KIF26A: variants seen among roughly 807,000 people sequenced by gnomAD.
KIF26A encodes the protein kinesin-like protein KIF26A.
In KIF26A, 74 loss-of-function variants were observed where a neutral mutation model predicts 126.0. That is an observed-to-expected ratio of 0.59 (90% confidence interval 0.49 to 0.71). The LOEUF is 0.71. Among genes scored for constraint, KIF26A ranks in the 30% least tolerant of loss-of-function variants. The pLI is 0.00. For synonymous variants in KIF26A, 1,445 were observed against 1,232.7 expected, an observed-to-expected ratio of 1.17 and a Z score of -3.61; for missense variants, 2,984 against 2,763.3, an observed-to-expected ratio of 1.08 and a Z score of -1.79.
intron 3 of KIF26A, among the ~76,000 whole-genome samples, chr14:104,155,887 G>T (rs1025662001): frequency 2.0e-4 from 31 of 152,220 alleles, no homozygotes; most frequent in African/African-American, 7.5e-4. Flanking sequence ...CGGGTGGGCT[G>T]TGGTGTAGCA....
intron 9 of KIF26A, 39 bp from the exon 10 acceptor site, chr14:104,173,667 C>T: frequency 6.2e-7 from 1 of 1,603,492 alleles, no homozygotes; most frequent in South Asian, 1.1e-5. Context: ...ATCTGGGGGC[C>T]CCTGGCTACA....
rs1043092911 is a variant in KIF26A at position 104,152,892 on chromosome 14, C to T, written c.735+431C>T. Among the ~76,000 whole-genome samples the T allele has an allele frequency of 6.6e-6, 1 of 152,096 alleles. No individual in the cohort carries two copies. Among genetic ancestry groups the T allele is most frequent in the Non-Finnish European group, 1.5e-5 (1 of 68,000 alleles). On this transcript the variant is annotated intron_variant, in intron 3 of 14. Transcript: ENST00000423312. This position sits in a 1 kb window ranked among gnomAD's most constrained non-coding sequence, Gnocchi z 5.9. ...GCGTCCATGGACGTCGGGCGGGGGA[C>T]CGGCAGTTGCAATTGCTGGAGATGC...
intron 2 of KIF26A, among the ~76,000 whole-genome samples, chr14:104,146,541 A>G (rs1348872413): frequency 1.3e-5 from 2 of 149,714 alleles, no homozygotes; most frequent in Non-Finnish European, 3.0e-5. Flanking sequence ...GAGGGTGGCG[A>G]CCACCGCAGA....
Position 104,174,903 on chromosome 14 carries a change from C to G in KIF26A, c.2194-79C>G. The G allele has an allele frequency of 2.9e-6, 4 of 1,395,118 alleles. No individual in the cohort carries two copies. The East Asian group carries it at 7.5e-5, about 26-fold the overall frequency. The allele number at this position is 1,395,118 out of a possible 1,614,324, so 86.4% of individuals were successfully genotyped here. On this transcript the variant is annotated intron_variant, in intron 11 of 14. Coordinates refer to ENST00000423312, the MANE Select transcript of KIF26A (RefSeq NM_015656.2). The stretch of plus-strand genomic sequence containing the variant: ...TCATCACAGTGACCGCAGCATTGGC[C>G]CTGTGCTCTGGGGAGGGTCGGGGAA...
At chr14:104,156,390 A>G (rs186310022) in intron 3 of KIF26A, among the ~76,000 whole-genome samples, 33 of 152,218 alleles carry the variant, frequency 2.2e-4, no homozygotes, top group Admixed American at 1.8e-3. Flanking sequence ...TGCTGGCGCA[A>G]TGTCCAGTGA....
intron 5 of KIF26A, among the ~76,000 whole-genome samples, chr14:104,168,739 C>T (rs2037930078): frequency 6.6e-6 from 1 of 152,224 alleles, no homozygotes; most frequent in African/African-American, 2.4e-5. Context: ...TCTGGCATCT[C>T]TGTCCTCCGG....
chr14:104,162,481 G>A (rs1028485444), intron 4 of KIF26A, among the ~76,000 whole-genome samples: 9 of 152,222 alleles, frequency 5.9e-5, no homozygotes, highest in African/African-American at 9.6e-5. Context: ...CAAAGGGCCA[G>A]CCTGGTTTTG....
chr14:104,178,589 A>C lies in KIF26A; in HGVS notation c.5150A>C (p.Asp1717Ala), dbSNP rs2038063025. ...CGCCTGATTCCCGCCCCACTGCCCG[A>C]CACCACTGCCCTGGGCCGTAAGCCC... ...RRRLIPAPLPDTTALGRKPSL... is the reference protein window; with the variant it reads ...RRRLIPAPLPATTALGRKPSL... The change falls in exon 13 of 15, where the codon GAC becomes GCC. Residue 1717 changes from aspartate to alanine, a missense_variant. Physicochemically the swap from Asp to Ala is moderately radical, Grantham distance 126. Coordinates refer to ENST00000423312, the MANE Select transcript of KIF26A (RefSeq NM_015656.2). The C allele has an allele frequency of 1.3e-6, 2 of 1,523,328 alleles. No homozygotes were observed. 94.4% of individuals were successfully genotyped at this position (1,523,328 alleles called of 1,614,324 possible). A position where few individuals can be genotyped will look rare whatever the true frequency, so the allele number is the denominator to read the frequency against.
In KIF26A at chr14:104,152,910, G is replaced by A. The variant is rs889712394; in HGVS notation, c.735+449G>A. On this transcript the variant is annotated intron_variant, in intron 3 of 14. Transcript: ENST00000423312. This position sits in a 1 kb window ranked among gnomAD's most constrained non-coding sequence, Gnocchi z 5.9. ...CGGGGGACCGGCAGTTGCAATTGCTGGAGATGCGTTGCCTGCCCCTGTGGC... is the reference window on the plus strand; with the variant it reads ...CGGGGGACCGGCAGTTGCAATTGCTAGAGATGCGTTGCCTGCCCCTGTGGC... Among the ~76,000 whole-genome samples the A allele has an allele frequency of 3.3e-5, 5 of 152,154 alleles. No individual in the cohort carries two copies. The highest frequency in any genetic ancestry group is 4.8e-5 in the African/African-American group (2 of 41,426).
intron 4 of KIF26A, 120 bp downstream of exon 4, chr14:104,158,062 G>A (rs2037799613): frequency 1.0e-6 from 1 of 974,854 alleles, no homozygotes; most frequent in Admixed American, 3.7e-5. Context: ...GCTGAGACGA[G>A]TGGATGGGGA....
At chr14:104,146,195 G>C (rs1382990358) in intron 2 of KIF26A, among the ~76,000 whole-genome samples, 1 of 152,178 alleles carries the variant, frequency 6.6e-6, no homozygotes. Flanking sequence ...GTTGTTTTTG[G>C]GGGTGGGTGG....
At chr14:104,166,183 G>GGCACAGGA (rs56920153) in intron 4 of KIF26A, among the ~76,000 whole-genome samples, 6,923 of 146,074 alleles carry the variant, frequency 0.047, 523 homozygotes, top group African/African-American at 0.16. Flanking sequence ...GGGTGGCAGG[G>GGCACAGGA]GCCCAGGAGC....
At position 104,167,020 on chromosome 14, in the gene KIF26A, C is replaced by G. The variant is rs781392175; in HGVS notation, c.1085C>G (p.Thr362Ser). The G allele has an allele frequency of 1.3e-5, 20 of 1,578,020 alleles. No homozygotes were observed. The African/African-American group carries it at 2.6e-4, about 20-fold the overall frequency. Reference protein sequence around the residue: ...PPCLLRAASKTKDNPGSIGKV... With the variant: ...PPCLLRAASKSKDNPGSIGKV... Reference sequence around the variant, plus strand: ...TGCCTGCTCAGGGCCGCCTCCAAGACCAAGGACAACCCTGGCAGCATCGGG... The same window carrying G: ...TGCCTGCTCAGGGCCGCCTCCAAGAGCAAGGACAACCCTGGCAGCATCGGG... The change falls in exon 5 of 15, where the codon ACC becomes AGC. Residue 362 changes from threonine to serine, a missense_variant. Transcript: ENST00000423312.
chr14:104,179,428 T>C (rs750485534), intron 14 of KIF26A, 42 bp downstream of exon 14: 1 of 1,458,270 alleles, frequency 6.9e-7, no homozygotes, highest in South Asian at 1.4e-5. Flanking sequence ...GCCCACCGTG[T>C]GCCCTGACAG....
At chr14:104,165,513 CTGTA>C (rs1481871116) in intron 4 of KIF26A, among the ~76,000 whole-genome samples, 2 of 94,632 alleles carry the variant, frequency 2.1e-5, no homozygotes, top group African/African-American at 1.1e-4. Flanking sequence ...CTGTGTGTCT[CTGTA>C]TGCATGTGTG....
At position 104,175,230 on chromosome 14, in the gene KIF26A, C is replaced by G. The variant is rs371265576; in HGVS notation, c.2442C>G (p.Phe814Leu). Residue 814 changes from phenylalanine to leucine, a missense_variant, in exon 12 of 15, where the codon TTC (phenylalanine) becomes TTG (leucine). Transcript: ENST00000423312. ...ELTDNEGPPD[F>L]VPIIPALSRH... Reference sequence around the variant, plus strand: ...CCGACAACGAAGGTCCGCCTGACTTCGTGCCCATCATCCCTGCCCTGAGCC... The same window carrying G: ...CCGACAACGAAGGTCCGCCTGACTTGGTGCCCATCATCCCTGCCCTGAGCC... 3 of 1,609,360 alleles carry G rather than the reference C, an allele frequency of 1.9e-6. No individual in the cohort carries two copies. In the African/African-American group the frequency reaches 4.0e-5, roughly 21 times the overall value.
Position 104,176,026 on chromosome 14 carries a change from AATG to A in KIF26A, c.3243_3245del (p.Asp1081del). ...GCCAGTCAGCATCATCAGCAGCATCAATGATGAGTTTGACGCCTACACCTCTCA... is the reference window on the plus strand; with the variant it reads ...GCCAGTCAGCATCATCAGCAGCATCAATGAGTTTGACGCCTACACCTCTCA... On this transcript the variant is annotated inframe_deletion, in exon 12 of 15. Coordinates refer to ENST00000423312, the MANE Select transcript of KIF26A (RefSeq NM_015656.2). 6.3e-7 allele frequency: 1 copy of A among 1,593,892 alleles called. No individual in the cohort carries two copies. Among genetic ancestry groups the A allele is most frequent in the Non-Finnish European group, 8.5e-7 (1 of 1,175,518 alleles).
chr14:104,177,134 G>T lies in KIF26A; in HGVS notation c.4346G>T (p.Ser1449Ile), dbSNP rs758330306. 24 of 1,597,694 alleles carry T rather than the reference G, an allele frequency of 1.5e-5. No homozygotes were observed. The South Asian group carries it at 2.5e-4, about 17-fold the overall frequency. Residue 1449 changes from serine to isoleucine, a missense_variant, in exon 12 of 15, where the codon AGC becomes ATC. Transcript: ENST00000423312. ...ERYEGLAHSS[S>I]KGREAPGRPP... ...TACGAAGGCCTGGCGCACAGCAGCA[G>T]CAAGGGCCGGGAAGCCCCTGGGCGG...
At chr14:104,143,573 C>T (rs1453807529) in intron 2 of KIF26A, among the ~76,000 whole-genome samples, 1 of 152,238 alleles carries the variant, frequency 6.6e-6, no homozygotes, top group Non-Finnish European at 1.5e-5. Flanking sequence ...CTCCACAGCC[C>T]CCAGGCCTGT....
Sources: allele counts gnomAD v4.1 joint callset (sites outside exome capture counted in the v4.1 genomes callset), GRCh38; gene constraint gnomAD v4.1.1; non-coding constraint Gnocchi (gnomAD v3.1); transcripts MANE v1.5; gene names NCBI Gene and HGNC (gene_info 2026-07-23, HGNC 2026-07-21).